Variants in CNTNAP2 observed in about 807,000 individuals in gnomAD.
CNTNAP2 encodes the protein contactin associated protein 2.
CNTNAP2 carries 98 observed loss-of-function variants against 155.2 expected under a neutral mutation model. That is an observed-to-expected ratio of 0.63 (90% confidence interval 0.54 to 0.75). The LOEUF (loss-of-function observed/expected upper bound fraction) is 0.75, where lower values mean the gene tolerates loss of function less well. Among genes scored for constraint, CNTNAP2 ranks in the 30% least tolerant of loss-of-function variants. CNTNAP2 has a pLI of 0.00. For synonymous variants in CNTNAP2, 651 were observed against 631.2 expected (o/e 1.03, Z -0.47); for missense variants, 1,727 against 1,688.1 (o/e 1.02, Z -0.40).
chr7:147,645,432 T>C (rs1441333014), intron 13 of CNTNAP2, among the ~76,000 whole-genome samples: 2 of 152,192 alleles, frequency 1.3e-5, no homozygotes, highest in East Asian at 3.9e-4. Context: ...GATTATTTAC[T>C]TAATTATTAT....
intron 1 of CNTNAP2, among the ~76,000 whole-genome samples, chr7:146,530,447 A>G (rs990426407): frequency 2.6e-5 from 4 of 152,216 alleles, no homozygotes; most frequent in African/African-American, 9.6e-5. Context: ...CAGACAATCT[A>G]CAGAATGGGA....
At chr7:146,398,387 G>C (rs1221262413) in intron 1 of CNTNAP2, among the ~76,000 whole-genome samples, 2 of 151,828 alleles carry the variant, frequency 1.3e-5, no homozygotes, top group Non-Finnish European at 2.9e-5. Flanking sequence ...GAGCGAAGGG[G>C]GAAGCCCCTT....
intron 1 of CNTNAP2, among the ~76,000 whole-genome samples, chr7:146,649,922 T>C (rs1179458855): frequency 6.6e-6 from 1 of 152,156 alleles, no homozygotes; most frequent in Non-Finnish European, 1.5e-5. Flanking sequence ...AAAGTCACCA[T>C]CAGTGGTCAT....
chr7:147,418,118 A>G (rs151099033), intron 10 of CNTNAP2, among the ~76,000 whole-genome samples: 2,449 of 152,366 alleles, frequency 0.016, 65 homozygotes, highest in African/African-American at 0.055. Flanking sequence ...GATGGAAAGC[A>G]TAGTTCTATG....
intron 3 of CNTNAP2, among the ~76,000 whole-genome samples, chr7:146,900,623 C>T (rs1233219369): frequency 2.6e-5 from 4 of 152,206 alleles, no homozygotes; most frequent in African/African-American, 9.6e-5. Flanking sequence ...CCACTCCTCT[C>T]CCACTCCCAG....
chr7:148,312,783 G>A (rs1380741613), intron 21 of CNTNAP2, among the ~76,000 whole-genome samples: 2 of 152,144 alleles, frequency 1.3e-5, no homozygotes, highest in Non-Finnish European at 2.9e-5. Context: ...AAAGCATGCT[G>A]TGGGATGGGA....
intron 18 of CNTNAP2, among the ~76,000 whole-genome samples, chr7:148,213,507 T>A (rs1795583524): frequency 6.6e-6 from 1 of 152,074 alleles, no homozygotes; most frequent in African/African-American, 2.4e-5. Flanking sequence ...GGTATGCGTG[T>A]CTTCTCTTGC....
At chr7:146,178,438 C>G (rs1798503027) in intron 1 of CNTNAP2, among the ~76,000 whole-genome samples, 2 of 152,252 alleles carry the variant, frequency 1.3e-5, no homozygotes, top group South Asian at 2.1e-4. Context: ...ATCGAACATG[C>G]TACAAAGAGT....
At chr7:146,959,555 A>T (rs963484358) in intron 3 of CNTNAP2, among the ~76,000 whole-genome samples, 24 of 151,738 alleles carry the variant, frequency 1.6e-4, no homozygotes, top group Non-Finnish European at 2.8e-4. Flanking sequence ...CCCTGCCTCT[A>T]CTAAAAATAC....
chr7:146,596,595 C>CAGAGAGAGAGAGAGAG lies in CNTNAP2; in HGVS notation c.98-177646_98-177631dup, dbSNP rs368697909. ...AAGAAAGAGAGAGATAGAAGGGAGACAGAGAGAGAGAGAGAGAGAGAGAGA... is the reference window on the plus strand; with the variant it reads ...AAGAAAGAGAGAGATAGAAGGGAGACAGAGAGAGAGAGAGAGAGAGAGAGAGAGAGAGAGAGAGAGA... On this transcript the variant is annotated intron_variant, in intron 1 of 23. Transcript: ENST00000361727. 8.2e-4 allele frequency among the ~76,000 whole-genome samples: 86 copies of CAGAGAGAGAGAGAGAG among 105,072 alleles called. 2 individuals carry two copies. The highest frequency in any genetic ancestry group is 1.4e-3 in the Non-Finnish European group (72 of 50,932). 68.9% of individuals were successfully genotyped at this position (105,072 alleles called of 152,430 possible). A position where few individuals can be genotyped will look rare whatever the true frequency, so the allele number is the denominator to read the frequency against.
chr7:146,491,498 T>C (rs1797139198), intron 1 of CNTNAP2, among the ~76,000 whole-genome samples: 1 of 152,120 alleles, frequency 6.6e-6, no homozygotes, highest in Non-Finnish European at 1.5e-5. Flanking sequence ...CGTTTTGGAA[T>C]TATTATCTGA....
At chr7:146,836,656 A>G (rs767166298) in intron 2 of CNTNAP2, among the ~76,000 whole-genome samples, 1 of 152,254 alleles carries the variant, frequency 6.6e-6, no homozygotes. Context: ...TTATCTTTTA[A>G]TGAAATTTAA....
rs545839139 is a variant in CNTNAP2, at chr7:148,058,629, T to A, written c.2384-59489T>A. ...TGCATATCCGAGAGTGGTCATTTCC[T>A]TGCAAGGCGTGTCGCTTGACTGAGG... On this transcript the variant is annotated intron_variant, in intron 15 of 23. Coordinates refer to ENST00000361727, the MANE Select transcript of CNTNAP2 (RefSeq NM_014141.6). Among the ~76,000 whole-genome samples the A allele has an allele frequency of 2.3e-3, 349 of 152,254 alleles. 1 individual carries two copies. Among genetic ancestry groups the A allele is most frequent in the African/African-American group, 8.0e-3 (332 of 41,550 alleles).
intron 3 of CNTNAP2, among the ~76,000 whole-genome samples, chr7:146,943,360 C>T (rs774495860): frequency 6.6e-6 from 1 of 152,068 alleles, no homozygotes; most frequent in Non-Finnish European, 1.5e-5. Flanking sequence ...GGTGTGGTGG[C>T]ATGCACCTGG....
chr7:146,745,265 A>G (rs17170237), intron 1 of CNTNAP2, among the ~76,000 whole-genome samples: 25,338 of 152,078 alleles, frequency 0.17, 2,346 homozygotes, highest in African/African-American at 0.23. Context: ...ATTAGTCCTA[A>G]TTGTGCTAGG....
intron 8 of CNTNAP2, among the ~76,000 whole-genome samples, chr7:147,219,626 T>C (rs911811307): frequency 2.0e-5 from 3 of 152,208 alleles, no homozygotes; most frequent in African/African-American, 7.2e-5. Context: ...TAGATTCAAA[T>C]GTTAATCTCC....
intron 13 of CNTNAP2, among the ~76,000 whole-genome samples, chr7:147,771,980 G>T (rs1285748209): frequency 6.6e-6 from 1 of 151,778 alleles, no homozygotes; most frequent in Non-Finnish European, 1.5e-5. Flanking sequence ...TTATCCTGGG[G>T]CATTTTAGAT....
At chr7:146,345,706 G>C (rs1456296868) in intron 1 of CNTNAP2, among the ~76,000 whole-genome samples, 1 of 152,084 alleles carries the variant, frequency 6.6e-6, no homozygotes, top group Non-Finnish European at 1.5e-5. Context: ...CCACCAGAAT[G>C]TTACAAAAAA....
chr7:146,288,829 G>A (rs1477788971), intron 1 of CNTNAP2, among the ~76,000 whole-genome samples: 2 of 95,532 alleles, frequency 2.1e-5, no homozygotes, highest in African/African-American at 4.6e-5. Flanking sequence ...TTTTGAGACA[G>A]AATCTAGCTT....
Sources: allele counts gnomAD v4.1 joint callset (sites outside exome capture counted in the v4.1 genomes callset), GRCh38; gene constraint gnomAD v4.1.1; transcripts MANE v1.5; gene names NCBI Gene and HGNC (gene_info 2026-07-23, HGNC 2026-07-21).